The following IGFN1 variants were observed in gnomAD, a reference collection of about 807,000 sequenced individuals.
IGFN1 encodes the protein immunoglobulin like and fibronectin type III domain containing 1.
IGFN1 carries 253 observed loss-of-function variants against 289.5 expected under a neutral mutation model. The observed-to-expected ratio is 0.87, with a 90% CI of 0.79 to 0.97. The LOEUF (loss-of-function observed/expected upper bound fraction) is 0.97. Among genes scored for constraint, IGFN1 ranks in the 50% least tolerant of loss-of-function variants. The pLI is 0.00. For missense variants in IGFN1, 4,470 were observed against 4,686.1 expected (o/e 0.95, Z 1.35); for synonymous variants, 1,706 against 1,788.5 (o/e 0.95, Z 1.16).
In IGFN1 at chr1:201,213,478, G is replaced by T; in HGVS notation, c.8585G>T (p.Ser2862Ile). 1 of 1,614,088 alleles carries T rather than the reference G, an allele frequency of 6.2e-7. No homozygotes were observed. Among genetic ancestry groups the T allele is most frequent in the Non-Finnish European group, 8.5e-7 (1 of 1,179,966 alleles). Residue 2862 changes from serine (S) to isoleucine (I), a missense_variant, in exon 12 of 24, where the codon AGC (serine) becomes ATC (isoleucine). This residue lies in a region of IGFN1 where 2,218 missense variants were observed against 2,114.1 expected (regional missense o/e 1.05). Coordinates refer to ENST00000335211, the MANE Select transcript of IGFN1 (RefSeq NM_001164586.2). ...GAGGAGATGCTGAATGAAGATCAGAGCCGGGAGCCCCCTGGTCACCTTGGT... is the reference window on the plus strand; with the variant it reads ...GAGGAGATGCTGAATGAAGATCAGATCCGGGAGCCCCCTGGTCACCTTGGT... ...CLEEMLNEDQ[S>I]REPPGHLGSR...
intron 12 of IGFN1, 51 bp from the exon 13 acceptor site, chr1:201,214,126 G>C: frequency 6.5e-7 from 1 of 1,539,874 alleles, no homozygotes; most frequent in Non-Finnish European, 8.8e-7. Context: ...GCACAGCGCA[G>C]GCCATGGCCT....
Position 201,209,598 on chromosome 1 carries a change from G to C in IGFN1, c.4705G>C (p.Asp1569His), listed in dbSNP as rs1305965640. The C allele has an allele frequency of 6.5e-7, 1 of 1,533,756 alleles. No homozygotes were observed. Among genetic ancestry groups the C allele is most frequent in the African/African-American group, 1.4e-5 (1 of 73,102 alleles). Residue 1569 changes from aspartate to histidine, a missense_variant, in exon 12 of 24, where the codon GAT becomes CAT. Asp to His is a moderately conservative substitution (Grantham distance 81). Transcript: ENST00000335211. The stretch of plus-strand genomic sequence containing the variant: ...AGTGAATAAGGCAGGTTATAGGAAG[G>C]ATTTGGGGGCTCCTAAGGGAATGGG... The part of the protein sequence containing the change: ...GSVNKAGYRK[D>H]LGAPKGMGSG...
At position 201,212,899 on chromosome 1, in the gene IGFN1, G is replaced by A. The variant is rs1432311329; in HGVS notation, c.8006G>A (p.Gly2669Glu). ...TTTGGTGGGACCCATGAAGGGCCAG[G>A]GGGCTTTAAGGGTGGGGAGGGTGCA... ...AAFGGTHEGPGGFKGGEGAPG... is the reference protein window; with the variant it reads ...AAFGGTHEGPEGFKGGEGAPG... The change falls in exon 12 of 24, where the codon GGG becomes GAG. Residue 2669 changes from glycine to glutamate, a missense_variant. Transcript: ENST00000335211. 2 of 1,551,420 alleles carry A rather than the reference G, an allele frequency of 1.3e-6. No individual in the cohort carries two copies. Among genetic ancestry groups the A allele is most frequent in the South Asian group, 2.4e-5 (2 of 84,064 alleles).
At chr1:201,223,010 C>T (rs1032582305) in intron 20 of IGFN1, 183 bp downstream of exon 20, 2 of 464,338 alleles carry the variant, frequency 4.3e-6, no homozygotes, top group Admixed American at 7.7e-5. Context: ...TCAGGTCCTC[C>T]TTGAAGGTAC....
rs527377491 is a variant in IGFN1, at chr1:201,211,413, G to T, written c.6520G>T (p.Asp2174Tyr). The stretch of plus-strand genomic sequence containing the variant: ...GAGTTCTGGGGAAATGGGGTCAATG[G>T]ATGAGGCAGGTTATAGGAAGGATTT... The part of the protein sequence containing the change: ...LGSSGEMGSM[D>Y]EAGYRKDLGA... The change falls in exon 12 of 24, where the codon GAT (aspartate) becomes TAT (tyrosine). Residue 2174 changes from aspartate (D) to tyrosine (Y), a missense_variant. Coordinates refer to ENST00000335211, the MANE Select transcript of IGFN1 (RefSeq NM_001164586.2). 76 of 1,499,556 alleles carry T rather than the reference G, an allele frequency of 5.1e-5. No homozygotes were observed. The highest frequency in any genetic ancestry group is 6.4e-5 in the Non-Finnish European group (72 of 1,125,170). The allele number at this position is 1,499,556 out of a possible 1,614,324, so 92.9% of individuals were successfully genotyped here. A position where few individuals can be genotyped will look rare whatever the true frequency, so the allele number is the denominator to read the frequency against.
chr1:201,201,161 AG>A (rs1401334015), intron 8 of IGFN1, among the ~76,000 whole-genome samples: 2 of 152,170 alleles, frequency 1.3e-5, no homozygotes, highest in East Asian at 3.8e-4. Context: ...CTTTCATGGA[AG>A]GGAATTTCAC....
Position 201,206,378 on chromosome 1 carries a change from A to C in IGFN1, c.1485A>C (p.Ala495=), listed in dbSNP as rs934713668. ...AGGAGGGCGAGGGCTTTCCAGTAGC[A>C]GAGGGAAGCAGAGCCACTCTTCCCA... The part of the protein sequence containing the change: ...PGQEGEGFPV[A]EGSRATLPRE... Residue 495 remains alanine, a synonymous_variant, in exon 12 of 24, where the codon GCA becomes GCC. Coordinates refer to ENST00000335211, the MANE Select transcript of IGFN1 (RefSeq NM_001164586.2). 1 of 1,550,598 alleles carries C rather than the reference A, an allele frequency of 6.4e-7. No homozygotes were observed. Among genetic ancestry groups the C allele is most frequent in the African/African-American group, 1.4e-5 (1 of 73,174 alleles).
Position 201,208,184 on chromosome 1 carries a change from G to A in IGFN1, c.3291G>A (p.Val1097=), listed in dbSNP as rs747702116. The part of the protein sequence containing the change: ...GRGGLKAPGV[V]ETVGMGCVEA... ...GTGGTCTCAAGGCCCCTGGAGTAGT[G>A]GAGACTGTTGGGATGGGATGTGTGG... Residue 1097 remains valine, a synonymous_variant, in exon 12 of 24, where the codon GTG becomes GTA. Coordinates refer to ENST00000335211, the MANE Select transcript of IGFN1 (RefSeq NM_001164586.2). 1 of 1,536,962 alleles carries A rather than the reference G, an allele frequency of 6.5e-7. No individual in the cohort carries two copies. Among genetic ancestry groups the A allele is most frequent in the South Asian group, 1.2e-5 (1 of 84,048 alleles).
Position 201,201,799 on chromosome 1 carries a change from C to T in IGFN1, c.714C>T (p.Leu238=). The change falls in exon 9 of 24, where the codon CTC becomes CTT. Residue 238 remains leucine (L), a synonymous_variant. Transcript: ENST00000335211. The part of the protein sequence containing the change: ...GNAKFDLELD[L]KDSQSKIYLY... ...CAAAGTTTGACTTGGAGCTGGATCT[C>T]AAGGATTCTCAGAGCAAGATTTACC... 6.5e-7 allele frequency: 1 copy of T among 1,533,288 alleles called. No homozygotes were observed. Among genetic ancestry groups the T allele is most frequent in the Non-Finnish European group, 8.8e-7 (1 of 1,132,542 alleles). The allele number at this position is 1,533,288 out of a possible 1,614,324, so 95.0% of individuals were successfully genotyped here.
At chr1:201,220,053 TTC>T (rs757383265) in intron 18 of IGFN1, among the ~76,000 whole-genome samples, 11 of 33,486 alleles carry the variant, frequency 3.3e-4, no homozygotes, top group Non-Finnish European at 5.5e-4. Context: ...TTCTTTCTCT[TTC>T]TGTTCTTTTT....
At chr1:201,222,876 G>A in intron 20 of IGFN1, 49 bp downstream of exon 20, 1 of 1,339,146 alleles carries the variant, frequency 7.5e-7, no homozygotes, top group Non-Finnish European at 1.1e-6. Flanking sequence ...AGAGGCCAAG[G>A]GGGCCAGACT....
rs1231655137 is a variant in IGFN1, at chr1:201,211,448, T to G, written c.6555T>G (p.Pro2185=). 3 of 1,499,882 alleles carry G rather than the reference T, an allele frequency of 2.0e-6. No individual in the cohort carries two copies. The highest frequency in any genetic ancestry group is 2.7e-6 in the Non-Finnish European group (3 of 1,125,396). The allele number at this position is 1,499,882 out of a possible 1,614,324, so 92.9% of individuals were successfully genotyped here. A position where few individuals can be genotyped will look rare whatever the true frequency, so the allele number is the denominator to read the frequency against. The stretch of plus-strand genomic sequence containing the variant: ...GTTATAGGAAGGATTTGGGAGCTCC[T>G]GAGGGAATGGGTTCAGGGAGTAAGG... ...EAGYRKDLGA[P]EGMGSGSKAG... Residue 2185 remains proline, a synonymous_variant, in exon 12 of 24, where the codon CCT becomes CCG. Transcript: ENST00000335211.
chr1:201,207,416 T>C lies in IGFN1; in HGVS notation c.2523T>C (p.Asp841=), dbSNP rs1475638658. The stretch of plus-strand genomic sequence containing the variant: ...AATCTAAGGGCACAAGTCCTTGGGA[T>C]GACACACCATCTAGCCTCAGAAAAA... ...RIESKGTSPW[D]DTPSSLRKTG... is the part of the protein sequence containing the mutation. Residue 841 remains aspartate, a synonymous_variant, in exon 12 of 24, where the codon GAT becomes GAC. Coordinates refer to ENST00000335211, the MANE Select transcript of IGFN1 (RefSeq NM_001164586.2). 1 of 1,533,446 alleles carries C rather than the reference T, an allele frequency of 6.5e-7. No homozygotes were observed. Among genetic ancestry groups the C allele is most frequent in the Non-Finnish European group, 8.7e-7 (1 of 1,145,018 alleles). 95.0% of individuals were successfully genotyped at this position (1,533,446 alleles called of 1,614,324 possible). A position where few individuals can be genotyped will look rare whatever the true frequency, so the allele number is the denominator to read the frequency against.
In IGFN1 at chr1:201,208,710, G is replaced by A. The variant is rs1163821013; in HGVS notation, c.3817G>A (p.Gly1273Ser). The stretch of plus-strand genomic sequence containing the variant: ...AGCAGATGGGCCAGGTTGTAGGAAG[G>A]GTATTGGGAGTTCTGGGGAAATGGG... The part of the protein sequence containing the change: ...GSADGPGCRK[G>S]IGSSGEMGSV... Residue 1273 changes from glycine to serine, a missense_variant, in exon 12 of 24, where the codon GGT (glycine) becomes AGT (serine). By Grantham distance (56) the Gly-to-Ser change is moderately conservative. Coordinates refer to ENST00000335211, the MANE Select transcript of IGFN1 (RefSeq NM_001164586.2). The A allele has an allele frequency of 2.0e-6, 3 of 1,536,990 alleles. No individual in the cohort carries two copies. The highest frequency in any genetic ancestry group is 3.9e-5 in the Admixed American group (2 of 50,962).
chr1:201,192,047 T>A (rs1370507829), intron 1 of IGFN1, among the ~76,000 whole-genome samples: 1 of 152,134 alleles, frequency 6.6e-6, no homozygotes, highest in Non-Finnish European at 1.5e-5. Flanking sequence ...TCCTCATCCG[T>A]TGGTGGCTGC....
chr1:201,209,616 G>A lies in IGFN1; in HGVS notation c.4723G>A (p.Gly1575Arg). The change falls in exon 12 of 24, where the codon GGA becomes AGA. Residue 1575 changes from glycine to arginine, a missense_variant. By Grantham distance (125) the Gly-to-Arg change is moderately radical (BLOSUM62 -2). Transcript: ENST00000335211. ...GYRKDLGAPK[G>R]MGSGSKASFR... is the part of the protein sequence containing the mutation. ...TAGGAAGGATTTGGGGGCTCCTAAG[G>A]GAATGGGTTCAGGGAGTAAGGCAAG... The A allele has an allele frequency of 1.3e-6, 2 of 1,534,644 alleles. No individual in the cohort carries two copies. Among genetic ancestry groups the A allele is most frequent in the Non-Finnish European group, 1.7e-6 (2 of 1,146,032 alleles).
At position 201,225,968 on chromosome 1, in the gene IGFN1, G is replaced by A. The variant is rs367846583; in HGVS notation, c.10631G>A (p.Trp3544Ter). Residue 3544 changes from tryptophan to a stop codon, truncating the protein, a stop_gained, in exon 22 of 24, where the codon TGG becomes TAG. Transcript: ENST00000335211. LOFTEE classifies it high-confidence loss of function. The stretch of plus-strand genomic sequence containing the variant: ...ACACGCTCCTCAGCGCACGGTCCCT[G>A]GCACGAGGCAGCCGACCGCATCCAC... ...VFTRSSAHGP[W>*]HEAADRIHTN... 29 of 1,578,324 alleles carry A rather than the reference G, an allele frequency of 1.8e-5. No homozygotes were observed. Among genetic ancestry groups the A allele is most frequent in the Non-Finnish European group, 2.4e-5 (28 of 1,160,060 alleles).
intron 5 of IGFN1, among the ~76,000 whole-genome samples, 156 bp downstream of exon 5, chr1:201,197,473 G>T (rs1450299210): frequency 6.6e-6 from 1 of 152,208 alleles, no homozygotes; most frequent in Non-Finnish European, 1.5e-5. Context: ...TGGGCCCCGG[G>T]CTTCATCCAC....
chr1:201,196,149 T>C (rs773757644), intron 4 of IGFN1, among the ~76,000 whole-genome samples, 171 bp downstream of exon 4: 41 of 152,214 alleles, frequency 2.7e-4, no homozygotes, highest in Non-Finnish European at 4.4e-5. Context: ...AGAATGGATC[T>C]GGCAGGCTTG....
Sources: gnomAD v4.1 joint callset for allele counts (sites outside exome capture counted in the v4.1 genomes callset) on GRCh38, gnomAD v4.1.1 for gene constraint, gnomAD v4.1.1 regional missense constraint, MANE v1.5 for transcripts, NCBI Gene and HGNC (gene_info 2026-07-23, HGNC 2026-07-21) for gene names.